MTA3: variants seen among roughly 807,000 people sequenced by gnomAD.
MTA3 encodes metastasis associated 1 family member 3.
In MTA3, 34 loss-of-function variants were observed where a neutral mutation model predicts 83.5. That is an observed-to-expected ratio of 0.41 (90% CI 0.31 to 0.54). The LOEUF (loss-of-function observed/expected upper bound fraction) is 0.54, where lower values mean the gene tolerates loss of function less well. Among genes scored for constraint, MTA3 ranks in the 20% least tolerant of loss-of-function variants. The probability of loss-of-function intolerance (pLI) is 0.33; values close to 1 mark genes in which losing one functional copy is unlikely to be tolerated. For synonymous variants in MTA3, 303 were observed against 252.7 expected, an observed-to-expected ratio of 1.20 and a Z score of -1.89; for missense variants, 761 against 726.4, an observed-to-expected ratio of 1.05 and a Z score of -0.55.
At chr2:42,587,399 C>T (rs181215546) in intron 3 of MTA3, among the ~76,000 whole-genome samples, 1 of 152,218 alleles carries the variant, frequency 6.6e-6, no homozygotes, top group East Asian at 1.9e-4. Flanking sequence ...TCAGGACCCC[C>T]CAAAACCCAG....
At chr2:42,557,501 C>A (rs1484757078) in intron 2 of MTA3, among the ~76,000 whole-genome samples, 5 of 152,098 alleles carry the variant, frequency 3.3e-5, no homozygotes, top group Admixed American at 6.6e-5. Flanking sequence ...AAACTGCCTC[C>A]AGGTGTCCTG....
chr2:42,683,850 G>A (rs1692149910), intron 9 of MTA3, among the ~76,000 whole-genome samples: 1 of 152,262 alleles, frequency 6.6e-6, no homozygotes, highest in Non-Finnish European at 1.5e-5. Context: ...AACACCTGCT[G>A]TGCAGCCCAG....
chr2:42,629,277 C>T (rs1686439512), intron 4 of MTA3, among the ~76,000 whole-genome samples: 1 of 152,004 alleles, frequency 6.6e-6, no homozygotes, highest in African/African-American at 2.4e-5. Context: ...GACAGGGTTT[C>T]ACCGTGTTGG....
chr2:42,724,437 C>T (rs900709044), intron 16 of MTA3, among the ~76,000 whole-genome samples: 4 of 151,644 alleles, frequency 2.6e-5, no homozygotes, highest in Non-Finnish European at 1.5e-5. Context: ...ATCACTTGAG[C>T]GCAGGAATTC....
At chr2:42,496,159 T>C (rs1007853414) in intron 2 of MTA3, among the ~76,000 whole-genome samples, 4 of 152,226 alleles carry the variant, frequency 2.6e-5, no homozygotes, top group Non-Finnish European at 4.4e-5. Context: ...TGAAGAAATA[T>C]CTCATTTTAA....
chr2:42,548,238 G>C (rs994711285), intron 2 of MTA3, among the ~76,000 whole-genome samples: 4 of 152,170 alleles, frequency 2.6e-5, no homozygotes, highest in Non-Finnish European at 5.9e-5. Flanking sequence ...GCTGAGAGGG[G>C]CAGATTGCTT....
At chr2:42,641,723 G>A (rs747833533) in intron 5 of MTA3, among the ~76,000 whole-genome samples, 6 of 151,974 alleles carry the variant, frequency 3.9e-5, no homozygotes, top group East Asian at 1.9e-4. Context: ...AAAATTAACC[G>A]GGCGTGGTGG....
In MTA3 at chr2:42,755,937, C is replaced by T. The variant is rs955625466; in HGVS notation, c.*2538C>T. 4.8e-5 allele frequency: 47 copies of T among 985,410 alleles called. No individual in the cohort carries two copies. The highest frequency in any genetic ancestry group is 5.1e-5 in the Non-Finnish European group (42 of 830,010). The allele number at this position is 985,410 out of a possible 1,614,324, so 61.0% of individuals were successfully genotyped here. A position where few individuals can be genotyped will look rare whatever the true frequency, so the allele number is the denominator to read the frequency against. On this transcript the variant is annotated 3_prime_UTR_variant, in exon 17 of 17. Transcript: ENST00000405094. ...AAGGTGCGCAAGAGAGGAGGGCCGA[C>T]TGGAGGGTGTCGCCGGAAGGTTTCA...
At chr2:42,693,983 T>G (rs1305024734) in intron 9 of MTA3, among the ~76,000 whole-genome samples, 1 of 152,136 alleles carries the variant, frequency 6.6e-6, no homozygotes, top group African/African-American at 2.4e-5. Context: ...TGATGAATCT[T>G]GCAGGGACTG....
intron 4 of MTA3, among the ~76,000 whole-genome samples, chr2:42,624,036 G>A (rs909189049): frequency 6.6e-6 from 1 of 152,044 alleles, no homozygotes; most frequent in Admixed American, 6.6e-5. Context: ...TTAAAGGTAT[G>A]GTTGGAGGGG....
chr2:42,494,471 C>G (rs759578133), upstream of MTA3: 1 of 152,328 alleles, frequency 6.6e-6, no homozygotes, highest in Non-Finnish European at 1.5e-5. Context: ...GGAAGGCATC[C>G]CAGCCACGGC....
chr2:42,726,862 C>T (rs898200197), intron 16 of MTA3, among the ~76,000 whole-genome samples: 7 of 152,088 alleles, frequency 4.6e-5, no homozygotes, highest in Non-Finnish European at 1.0e-4. Flanking sequence ...GCCCTGTGAC[C>T]AATCTAATAG....
chr2:42,536,035 G>C (rs904416649), intron 2 of MTA3, among the ~76,000 whole-genome samples: 2 of 151,856 alleles, frequency 1.3e-5, no homozygotes, highest in African/African-American at 4.8e-5. Flanking sequence ...CAGGAAGATT[G>C]CTTGAGTCTG....
chr2:42,532,999 C>T (rs1403934181), intron 2 of MTA3: 4 of 186,848 alleles, frequency 2.1e-5, no homozygotes, highest in Non-Finnish European at 4.5e-5. Flanking sequence ...GAACCTTGCC[C>T]TTGTTTGTTT....
At chr2:42,594,126 A>G (rs1681384997) in intron 3 of MTA3, among the ~76,000 whole-genome samples, 2 of 148,864 alleles carry the variant, frequency 1.3e-5, no homozygotes, top group South Asian at 2.1e-4. Flanking sequence ...TAATTTTTGT[A>G]TTTTTAGTAG....
At chr2:42,742,758 T>G (rs993625729) in intron 16 of MTA3, among the ~76,000 whole-genome samples, 2 of 152,206 alleles carry the variant, frequency 1.3e-5, no homozygotes, top group Non-Finnish European at 2.9e-5. Flanking sequence ...TTTGGAAAAT[T>G]TCTAAGATAT....
At chr2:42,539,667 A>C (rs1366213254) in intron 2 of MTA3, among the ~76,000 whole-genome samples, 1 of 141,818 alleles carries the variant, frequency 7.1e-6, no homozygotes, top group East Asian at 2.1e-4. Context: ...CTGCAGCCTC[A>C]ACTGCCTGGA....
intron 14 of MTA3, among the ~76,000 whole-genome samples, chr2:42,716,023 C>A (rs1667000876): frequency 6.6e-6 from 1 of 152,152 alleles, no homozygotes; most frequent in African/African-American, 2.4e-5. Flanking sequence ...GTTTGGCAGG[C>A]GTTTGATCCT....
rs3039405 is a variant in MTA3, at chr2:42,502,797, C to CA, written c.-141+7559dup. ...GGGCAACAAGAACAAAACTCTGTCT[C>CA]AAAAAAAAAAAAAAAATTAGCCGGG... On this transcript the variant is annotated intron_variant, in intron 2 of 17. Coordinates refer to the MTA3 transcript ENST00000405592. Among the ~76,000 whole-genome samples the CA allele has an allele frequency of 9.6e-3, 823 of 85,336 alleles. 57 individuals carry two copies. Among genetic ancestry groups the CA allele is most frequent in the Non-Finnish European group, 0.015 (676 of 46,184 alleles). The allele number at this position is 85,336 out of a possible 152,430, so 56.0% of individuals were successfully genotyped here.
Sources: allele counts gnomAD v4.1 joint callset (sites outside exome capture counted in the v4.1 genomes callset), GRCh38; gene constraint gnomAD v4.1.1; transcripts MANE v1.5; gene names NCBI Gene and HGNC (gene_info 2026-07-23, HGNC 2026-07-21).